RBMS3: variants seen among roughly 807,000 people sequenced by gnomAD.
The protein encoded by RBMS3 is RNA binding motif single stranded interacting protein 3, also known as RNA-binding motif, single-stranded-interacting protein 3.
RBMS3 carries 27 observed loss-of-function variants against 66.8 expected under a neutral mutation model. The observed-to-expected ratio is 0.40, with a 90% CI of 0.30 to 0.56. RBMS3 has a LOEUF of 0.56. Among genes scored for constraint, RBMS3 ranks in the 20% least tolerant of loss-of-function variants. RBMS3 has a pLI of 0.40. For synonymous variants in RBMS3, 188 were observed against 183.0 expected (o/e 1.03, Z -0.22); for missense variants, 513 against 549.5 (o/e 0.93, Z 0.66).
intron 4 of RBMS3, among the ~76,000 whole-genome samples, chr3:29,660,516 C>A (rs899672401): frequency 6.6e-6 from 1 of 152,108 alleles, no homozygotes; most frequent in African/African-American, 2.4e-5. Context: ...GAGCTTAATT[C>A]GTTACTGATA....
chr3:29,702,478 C>A (rs140030786), intron 4 of RBMS3, among the ~76,000 whole-genome samples: 5,491 of 152,264 alleles, frequency 0.036, 138 homozygotes, highest in Non-Finnish European at 0.053. Flanking sequence ...AGTGGCAACC[C>A]GCCGGGGTCC....
intron 6 of RBMS3, among the ~76,000 whole-genome samples, chr3:29,862,510 C>G (rs148347978): frequency 2.0e-5 from 3 of 152,014 alleles, no homozygotes; most frequent in African/African-American, 4.8e-5. Context: ...CAAAGAGAAA[C>G]AGCATTCAAC....
At chr3:29,284,093 A>G (rs1399306832) in intron 1 of RBMS3, among the ~76,000 whole-genome samples, 4 of 152,168 alleles carry the variant, frequency 2.6e-5, no homozygotes, top group Admixed American at 6.6e-5. Context: ...AATCATTTTA[A>G]ATGAAGTACA....
At chr3:29,438,692 C>T (rs1364163244) in intron 2 of RBMS3, among the ~76,000 whole-genome samples, 3 of 152,102 alleles carry the variant, frequency 2.0e-5, no homozygotes, top group Admixed American at 2.0e-4. Context: ...AGTTAAAAAC[C>T]TTGTAATGTC....
chr3:29,588,390 T>C (rs1452330121), intron 4 of RBMS3, among the ~76,000 whole-genome samples: 1 of 152,098 alleles, frequency 6.6e-6, no homozygotes. Flanking sequence ...GATAGAATGA[T>C]AAGGTAGTCA....
intron 6 of RBMS3, among the ~76,000 whole-genome samples, chr3:29,783,174 C>T (rs1473670213): frequency 6.6e-6 from 1 of 151,964 alleles, no homozygotes; most frequent in African/African-American, 2.4e-5. Context: ...GATCTAGACC[C>T]CCCAAATGCA....
intron 1 of RBMS3, among the ~76,000 whole-genome samples, chr3:29,433,719 C>G (rs958730096): frequency 6.6e-6 from 1 of 151,840 alleles, no homozygotes; most frequent in Non-Finnish European, 1.5e-5. Flanking sequence ...TGAAGATATG[C>G]CTGTATAAAA....
intron 1 of RBMS3, among the ~76,000 whole-genome samples, chr3:29,433,060 A>G (rs1245230662): frequency 6.6e-6 from 1 of 152,168 alleles, no homozygotes; most frequent in Non-Finnish European, 1.5e-5. Context: ...GGTCAGCAGC[A>G]GAAGTTTTGG....
intron 6 of RBMS3, among the ~76,000 whole-genome samples, chr3:29,866,937 T>G (rs2059378183): frequency 6.6e-6 from 1 of 152,158 alleles, no homozygotes; most frequent in Admixed American, 6.5e-5. Flanking sequence ...TATACAGAAC[T>G]GTGTGCTCTG....
chr3:29,600,551 A>G (rs1433196647), intron 4 of RBMS3, among the ~76,000 whole-genome samples: 1 of 152,036 alleles, frequency 6.6e-6, no homozygotes, highest in East Asian at 1.9e-4. Context: ...TTAAAAATAT[A>G]AGTTATGCAG....
At chr3:29,554,906 G>A (rs1167395208) in intron 3 of RBMS3, among the ~76,000 whole-genome samples, 1 of 152,050 alleles carries the variant, frequency 6.6e-6, no homozygotes, top group African/African-American at 2.4e-5. Flanking sequence ...ACCGAATAGG[G>A]CCATGATTAG....
intron 3 of RBMS3, among the ~76,000 whole-genome samples, chr3:29,511,024 C>A (rs1379926978): frequency 6.6e-6 from 1 of 152,196 alleles, no homozygotes; most frequent in Non-Finnish European, 1.5e-5. Context: ...TTTGGCCGGG[C>A]GTGGTGGCTC....
intron 9 of RBMS3, 29 bp downstream of exon 9, chr3:29,897,504 G>A (rs373893728): frequency 8.8e-6 from 14 of 1,582,656 alleles, no homozygotes; most frequent in African/African-American, 2.7e-5. Flanking sequence ...CACCTTAGGA[G>A]ATATCTTTCT....
At chr3:29,442,426 C>G (rs749951543) in intron 2 of RBMS3, among the ~76,000 whole-genome samples, 7 of 151,486 alleles carry the variant, frequency 4.6e-5, no homozygotes, top group Non-Finnish European at 7.4e-5. Flanking sequence ...TCCTGATAGC[C>G]GATGATATTT....
At chr3:29,537,462 C>T (rs1357182431) in intron 3 of RBMS3, among the ~76,000 whole-genome samples, 4 of 152,140 alleles carry the variant, frequency 2.6e-5, no homozygotes, top group African/African-American at 9.7e-5. Context: ...AACTAAATTT[C>T]TTAGGTGAAA....
rs558839351 is a variant in RBMS3 at position 29,444,788 on chromosome 3, C to CTTTTTTTTTTT, written c.248+9887_248+9897dup. On this transcript the variant is annotated intron_variant, in intron 2 of 14. Transcript: ENST00000383767. ...AATTCTTTCAAGCGGAAATATATGC[C>CTTTTTTTTTTT]TTTTTTTTTTTTTTTTTTTTTTTTG... Among the ~76,000 whole-genome samples, 56 of 50,496 alleles carry CTTTTTTTTTTT rather than the reference C, an allele frequency of 1.1e-3. 9 individuals carry two copies. The highest frequency in any genetic ancestry group is 2.6e-3 in the African/African-American group (42 of 16,416). The allele number at this position is 50,496 out of a possible 152,430, so 33.1% of individuals were successfully genotyped here.
intron 4 of RBMS3, among the ~76,000 whole-genome samples, chr3:29,674,288 G>T (rs76632866): frequency 0.078 from 11,880 of 152,110 alleles, 829 homozygotes; most frequent in African/African-American, 0.18. Flanking sequence ...CAAACCCACA[G>T]CCAATATTAT....
chr3:29,923,595 A>T (rs781374643), intron 10 of RBMS3, among the ~76,000 whole-genome samples: 4 of 152,184 alleles, frequency 2.6e-5, no homozygotes, highest in Non-Finnish European at 5.9e-5. Flanking sequence ...TGAGAAAAGA[A>T]AGGGAGTGCT....
intron 6 of RBMS3, among the ~76,000 whole-genome samples, chr3:29,834,394 C>A (rs2058450665): frequency 6.6e-6 from 1 of 151,984 alleles, no homozygotes; most frequent in Admixed American, 6.6e-5. Context: ...GCTATAATAA[C>A]CTGTTAATAG....
Sources: gnomAD v4.1 joint callset for allele counts (sites outside exome capture counted in the v4.1 genomes callset) on GRCh38, gnomAD v4.1.1 for gene constraint, MANE v1.5 for transcripts, NCBI Gene and HGNC (gene_info 2026-07-23, HGNC 2026-07-21) for gene names.